Variants in DACH1 observed in about 807,000 individuals in gnomAD.
DACH1 encodes dachshund family transcription factor 1, also known as dachshund homolog 1.
Under a neutral mutation model 54.2 loss-of-function variants are expected in DACH1, and 12 were observed. The observed-to-expected ratio is 0.22, with a 90% CI of 0.14 to 0.36. The LOEUF (loss-of-function observed/expected upper bound fraction) is 0.36. Among genes scored for constraint, DACH1 ranks in the 10% least tolerant of loss-of-function variants. DACH1 has a pLI of 1.00. For missense variants in DACH1, 805 were observed against 929.8 expected, an observed-to-expected ratio of 0.87 and a Z score of 1.75; for synonymous variants, 386 against 366.2, an observed-to-expected ratio of 1.05 and a Z score of -0.62.
At chr13:71,484,620 T>C (rs983643926) in intron 7 of DACH1, among the ~76,000 whole-genome samples, 5 of 152,238 alleles carry the variant, frequency 3.3e-5, no homozygotes, top group Non-Finnish European at 7.3e-5. Flanking sequence ...CTAAATTTTA[T>C]ATTCTCTACT....
At chr13:71,513,007 A>C (rs1187921729) in intron 6 of DACH1, among the ~76,000 whole-genome samples, 1 of 151,926 alleles carries the variant, frequency 6.6e-6, no homozygotes. Flanking sequence ...AATTCCACAA[A>C]ATATAAGTAA....
intron 1 of DACH1, among the ~76,000 whole-genome samples, chr13:71,795,192 TTTTTG>T (rs1214253518): frequency 3.3e-5 from 5 of 152,152 alleles, no homozygotes; most frequent in East Asian, 1.9e-4. Context: ...AAAATGTTTT[TTTTTG>T]TTTGTTTGTT....
At chr13:71,597,541 C>T (rs1874182153) in intron 3 of DACH1, among the ~76,000 whole-genome samples, 2 of 152,138 alleles carry the variant, frequency 1.3e-5, no homozygotes, top group African/African-American at 4.8e-5. Flanking sequence ...GAAACCCCTT[C>T]TCTACCTCCC....
At chr13:71,676,343 G>A (rs1194546668) in intron 2 of DACH1, among the ~76,000 whole-genome samples, 2 of 151,950 alleles carry the variant, frequency 1.3e-5, no homozygotes, top group African/African-American at 2.4e-5. Flanking sequence ...TCAGCCTCCC[G>A]AGTAGCTGGA....
chr13:71,553,601 T>C (rs998130797), intron 6 of DACH1, among the ~76,000 whole-genome samples: 1 of 143,238 alleles, frequency 7.0e-6, no homozygotes, highest in Non-Finnish European at 1.5e-5. Context: ...TATATTTTTG[T>C]ATTTTATATT....
chr13:71,567,578 C>A (rs1485019123), intron 4 of DACH1, among the ~76,000 whole-genome samples: 1 of 151,732 alleles, frequency 6.6e-6, no homozygotes, highest in South Asian at 2.1e-4. Flanking sequence ...GGAGAGAAAA[C>A]AAAATAGTAA....
intron 6 of DACH1, among the ~76,000 whole-genome samples, chr13:71,535,684 C>T (rs371377663): frequency 2.6e-5 from 4 of 151,822 alleles, no homozygotes; most frequent in Admixed American, 6.6e-5. Flanking sequence ...CTTGTTCGTG[C>T]GCATAGTTTA....
At chr13:71,521,249 C>T (rs1881575936) in intron 6 of DACH1, among the ~76,000 whole-genome samples, 1 of 151,970 alleles carries the variant, frequency 6.6e-6, no homozygotes, top group Admixed American at 6.6e-5. Context: ...ATAGTGTGTG[C>T]ATGTAATAGA....
chr13:71,456,190 T>TAATA (rs1325790991), intron 10 of DACH1, among the ~76,000 whole-genome samples: 3 of 152,248 alleles, frequency 2.0e-5, no homozygotes, highest in African/African-American at 7.2e-5. Flanking sequence ...CAAACTTCTT[T>TAATA]AATATAATTT....
chr13:71,493,260 G>T (rs1015941898), intron 6 of DACH1, among the ~76,000 whole-genome samples: 1 of 151,990 alleles, frequency 6.6e-6, no homozygotes, highest in Non-Finnish European at 1.5e-5. Flanking sequence ...CAAACCAGTT[G>T]ACATGACATG....
intron 1 of DACH1, among the ~76,000 whole-genome samples, chr13:71,724,878 TGTTTC>T (rs1883398446): frequency 6.6e-6 from 1 of 152,154 alleles, no homozygotes; most frequent in Non-Finnish European, 1.5e-5. Context: ...GTCTTAGAAA[TGTTTC>T]TTCATGGATG....
intron 1 of DACH1, among the ~76,000 whole-genome samples, chr13:71,703,189 T>C (rs1378758753): frequency 6.6e-6 from 1 of 152,260 alleles, no homozygotes; most frequent in Non-Finnish European, 1.5e-5. Flanking sequence ...CACAATTAGC[T>C]ATTCCCTTCC....
At chr13:71,857,292 C>T (rs146041821) in intron 1 of DACH1, among the ~76,000 whole-genome samples, 2 of 151,576 alleles carry the variant, frequency 1.3e-5, no homozygotes, top group African/African-American at 4.8e-5. Context: ...TTCTTTAACT[C>T]TAAAATTAAT....
At chr13:71,704,662 T>C in intron 1 of DACH1, 1 of 319,226 alleles carries the variant, frequency 3.1e-6, no homozygotes, top group Non-Finnish European at 6.2e-6. Context: ...TTAAAAGGTA[T>C]TTAAAAAATA....
chr13:71,542,104 G>A (rs1393626946), intron 6 of DACH1, among the ~76,000 whole-genome samples: 2 of 151,674 alleles, frequency 1.3e-5, no homozygotes, highest in Non-Finnish European at 2.9e-5. Context: ...TAAAAAATTA[G>A]CTGGGCATGG....
intron 1 of DACH1, among the ~76,000 whole-genome samples, chr13:71,738,224 T>A (rs544562928): frequency 6.6e-6 from 1 of 152,248 alleles, no homozygotes; most frequent in African/African-American, 2.4e-5. Flanking sequence ...CCTCCACCAA[T>A]AGAGAGTAGC....
At chr13:71,823,279 T>G (rs1888261989) in intron 1 of DACH1, among the ~76,000 whole-genome samples, 2 of 152,106 alleles carry the variant, frequency 1.3e-5, no homozygotes, top group Admixed American at 1.3e-4. Flanking sequence ...ATTCTATTAT[T>G]AAGACAAAGG....
chr13:71,772,833 A>C (rs1885915342), intron 1 of DACH1, among the ~76,000 whole-genome samples: 1 of 151,848 alleles, frequency 6.6e-6, no homozygotes, highest in Admixed American at 6.6e-5. Context: ...GAGAAATAGT[A>C]TGCTGAATAA....
intron 3 of DACH1, among the ~76,000 whole-genome samples, chr13:71,597,018 T>C: frequency 6.6e-6 from 1 of 152,176 alleles, no homozygotes; most frequent in East Asian, 1.9e-4. Flanking sequence ...AATATAAGTC[T>C]AAATCAAGCT....
Sources: gnomAD v4.1 joint callset for allele counts (sites outside exome capture counted in the v4.1 genomes callset) on GRCh38, gnomAD v4.1.1 for gene constraint, MANE v1.5 for transcripts, NCBI Gene and HGNC (gene_info 2026-07-23, HGNC 2026-07-21) for gene names.